The following DPF3 variants were observed in gnomAD, a reference collection of about 807,000 sequenced individuals.
DPF3 encodes the protein double PHD fingers 3, also known as zinc finger protein DPF3.
Under a neutral mutation model 56.8 loss-of-function variants are expected in DPF3, and 18 were observed. The observed-to-expected ratio is 0.32, with a 90% CI of 0.22 to 0.47. DPF3 has a LOEUF of 0.47. Ranked by LOEUF, DPF3 falls within the 20% of genes least tolerant of loss-of-function variation. The pLI is 1.00. For synonymous variants in DPF3, 188 were observed against 180.2 expected (o/e 1.04, Z -0.35); for missense variants, 403 against 488.8 (o/e 0.82, Z 1.65).
In DPF3 at chr14:72,893,017, A is replaced by AGGCAGGCAGGC. The variant is rs1567273867; in HGVS notation, c.32+1039_32+1040insGCCTGCCTGCC. 3.1e-4 allele frequency among the ~76,000 whole-genome samples: 41 copies of AGGCAGGCAGGC among 130,732 alleles called. 2 individuals are homozygous for AGGCAGGCAGGC. Among genetic ancestry groups the AGGCAGGCAGGC allele is most frequent in the South Asian group, 2.3e-3 (9 of 3,876 alleles). The allele number at this position is 130,732 out of a possible 152,430, so 85.8% of individuals were successfully genotyped here. On this transcript the variant is annotated intron_variant, in intron 1 of 10. Transcript: ENST00000556509. ...GAAGGAAGGAAGGAAGGAAGGAAGG[A>AGGCAGGCAGGC]AGGAAGGATGAAAAGGAGGAGGAAG...
In DPF3 at chr14:72,723,716, T is replaced by C. The variant is rs1202752139; in HGVS notation, c.442A>G (p.Asn148Asp). Residue 148 changes from asparagine to aspartate, a missense_variant, in exon 5 of 11, where the codon AAT becomes GAT. Asn to Asp is a conservative substitution (Grantham distance 23). Transcript: ENST00000556509. ...SIQEIQRVLE[N>D]DENVEEGNEE... is the part of the protein sequence containing the mutation. ...TTCCCTTCTTCTACATTTTCATCAT[T>C]TTCCAAAACCCTCTGAAATGAAAAA... The C allele has an allele frequency of 1.3e-6, 2 of 1,577,362 alleles. No individual in the cohort carries two copies. The highest frequency in any genetic ancestry group is 2.8e-5 in the African/African-American group (2 of 71,462).
rs141398944 is a variant in DPF3, at chr14:72,863,869, G to A, written c.32+30188C>T. Among the ~76,000 whole-genome samples the A allele has an allele frequency of 7.2e-5, 11 of 152,138 alleles. 1 individual carries two copies. Among genetic ancestry groups the A allele is most frequent in the Admixed American group, 7.2e-4 (11 of 15,272 alleles). On this transcript the variant is annotated intron_variant, in intron 1 of 10. Coordinates refer to ENST00000556509, the MANE Select transcript of DPF3 (RefSeq NM_001280542.3). ...GCTGTTCTGCCTAGAAAGAAGTCTCGGGCCTTGAAGTGTGCATAGACACTG... is the reference window on the plus strand; with the variant it reads ...GCTGTTCTGCCTAGAAAGAAGTCTCAGGCCTTGAAGTGTGCATAGACACTG...
rs778528062 is a variant in DPF3 at position 72,856,887 on chromosome 14, G to T, written c.32+37170C>A. On this transcript the variant is annotated intron_variant, in intron 1 of 10. Coordinates refer to ENST00000556509, the MANE Select transcript of DPF3 (RefSeq NM_001280542.3). ...GAGGAAGTGGGCCTCCCCTGCGGGG[G>T]TATGAAATGTGGGGCGAGGACTTAG... 3.9e-5 allele frequency among the ~76,000 whole-genome samples: 6 copies of T among 152,224 alleles called. No homozygotes were observed. In the South Asian group the frequency reaches 6.2e-4, roughly 16 times the overall value.
At chr14:72,859,469 T>TC (rs112629015) in intron 1 of DPF3, among the ~76,000 whole-genome samples, 86 of 60,702 alleles carry the variant, frequency 1.4e-3, no homozygotes, top group Non-Finnish European at 2.3e-3. Flanking sequence ...TGCAGCTTCC[T>TC]CCCCCCCCCC....
At chr14:72,623,432 C>A (rs1567179515) in intron 9 of DPF3, among the ~76,000 whole-genome samples, 1 of 152,152 alleles carries the variant, frequency 6.6e-6, no homozygotes, top group Non-Finnish European at 1.5e-5. Context: ...TTTGACAATA[C>A]ATCCTTAGTA....
chr14:72,893,751 A>T (rs1886873565), intron 1 of DPF3, among the ~76,000 whole-genome samples: 1 of 151,466 alleles, frequency 6.6e-6, no homozygotes, highest in Non-Finnish European at 1.5e-5. Context: ...AGCTCCCGCG[A>T]CCCTCCTGCT....
rs1883863302 is a variant in DPF3 at position 72,613,181 on chromosome 14, T to C, written c.*6116A>G. ...AGTGAAAATATAACCTGGGAGTCTG[T>C]AGGGTTGTGTTGCTGAGGGAATATA... On this transcript the variant is annotated 3_prime_UTR_variant, in exon 11 of 11. Transcript: ENST00000556509. Among the ~76,000 whole-genome samples, 1 of 152,114 alleles carries C rather than the reference T, an allele frequency of 6.6e-6. No individual in the cohort carries two copies. Among genetic ancestry groups the C allele is most frequent in the African/African-American group, 2.4e-5 (1 of 41,414 alleles).
rs1882796874 is a variant in DPF3, at chr14:72,806,653, G to A, written c.33-34760C>T. On this transcript the variant is annotated intron_variant, in intron 1 of 10. Transcript: ENST00000556509. Reference sequence around the variant, plus strand: ...TTGCAACCAACACTATCCTGAAAATGTGGAAAACCTCTAATGGAAGTGCAA... The same window carrying A: ...TTGCAACCAACACTATCCTGAAAATATGGAAAACCTCTAATGGAAGTGCAA... The A allele has an allele frequency of 2.0e-5, 3 of 152,190 alleles. No homozygotes were observed. In the South Asian group the frequency reaches 6.2e-4, roughly 32 times the overall value. The allele number at this position is 152,190 out of a possible 1,614,324, so 9.4% of individuals were successfully genotyped here.
At chr14:72,648,221 A>G (rs1454530946) in intron 8 of DPF3, among the ~76,000 whole-genome samples, 1 of 152,116 alleles carries the variant, frequency 6.6e-6, no homozygotes, top group Non-Finnish European at 1.5e-5. Flanking sequence ...CTTATACCCC[A>G]TCCTCACACT....
chr14:72,714,388 A>G (rs1156768102), intron 6 of DPF3, 35 bp downstream of exon 6: 5 of 1,610,620 alleles, frequency 3.1e-6, no homozygotes, highest in East Asian at 2.2e-5. Flanking sequence ...GCAGGCGCAC[A>G]GGGAGGAAGG....
At chr14:72,892,299 C>A (rs1244157064) in intron 1 of DPF3, 2 of 1,535,452 alleles carry the variant, frequency 1.3e-6, no homozygotes, top group South Asian at 1.2e-5. Flanking sequence ...CAACCGGCAG[C>A]GAGGATGCGG....
At chr14:72,656,160 G>A (rs1026297107) in intron 8 of DPF3, among the ~76,000 whole-genome samples, 1 of 152,060 alleles carries the variant, frequency 6.6e-6, no homozygotes, top group African/African-American at 2.4e-5. Flanking sequence ...TCCTTAAAGG[G>A]CTTATTGTTC....
At chr14:72,719,684 T>C (rs1171847471) in intron 5 of DPF3, among the ~76,000 whole-genome samples, 2 of 152,226 alleles carry the variant, frequency 1.3e-5, no homozygotes, top group African/African-American at 4.8e-5. Flanking sequence ...TTATTAATTG[T>C]TGGGCTCCCC....
chr14:72,787,156 C>T (rs147899105), intron 1 of DPF3, among the ~76,000 whole-genome samples: 42 of 152,394 alleles, frequency 2.8e-4, no homozygotes, highest in African/African-American at 1.0e-3. Flanking sequence ...CTTCCTCTCC[C>T]TACTGGGCCT....
chr14:72,731,734 G>A, intron 4 of DPF3, 73 bp downstream of exon 4: 1 of 1,588,794 alleles, frequency 6.3e-7, no homozygotes. Flanking sequence ...CTGGAGCCAA[G>A]CCGGTGCTGG....
intron 1 of DPF3, among the ~76,000 whole-genome samples, chr14:72,839,528 G>C (rs1330835163): frequency 6.6e-6 from 1 of 152,176 alleles, no homozygotes; most frequent in African/African-American, 2.4e-5. Flanking sequence ...GACTCCCCGA[G>C]GGACTGGCGA....
In DPF3 at chr14:72,662,791, G is replaced by T. The variant is rs1453384076; in HGVS notation, c.871+11449C>A. The T allele has an allele frequency of 1.6e-5, 16 of 987,432 alleles. No individual in the cohort carries two copies. The African/African-American group carries it at 2.8e-4, about 17-fold the overall frequency. The allele number at this position is 987,432 out of a possible 1,614,324, so 61.2% of individuals were successfully genotyped here. A position where few individuals can be genotyped will look rare whatever the true frequency, so the allele number is the denominator to read the frequency against. The stretch of plus-strand genomic sequence containing the variant: ...GCTTCTTTTCACCTTCTTCGGAAAT[G>T]GCTTGCTTGAAGGATGCTGGAGTCC... On this transcript the variant is annotated intron_variant, in intron 8 of 10. Transcript: ENST00000556509.
At chr14:72,879,923 A>G in intron 1 of DPF3, 1 of 1,511,308 alleles carries the variant, frequency 6.6e-7, no homozygotes, top group African/African-American at 1.4e-5. Flanking sequence ...ATGATCCACA[A>G]CTTTCATAGG....
At chr14:72,637,881 C>A (rs1186265935) in intron 8 of DPF3, among the ~76,000 whole-genome samples, 7 of 109,772 alleles carry the variant, frequency 6.4e-5, no homozygotes, top group African/African-American at 2.8e-4. Context: ...CCCATATTGA[C>A]CAGCCCAGTC....
Sources: allele counts gnomAD v4.1 joint callset (sites outside exome capture counted in the v4.1 genomes callset), GRCh38; gene constraint gnomAD v4.1.1; transcripts MANE v1.5; gene names NCBI Gene and HGNC (gene_info 2026-07-23, HGNC 2026-07-21).